The following SERINC5 variants were observed in gnomAD, a reference collection of about 807,000 sequenced individuals.
SERINC5 encodes chromosome 5 open reading frame 12.
A neutral mutation model predicts 63.1 loss-of-function variants in SERINC5; 41 were observed. That is an observed-to-expected ratio of 0.65 (90% confidence interval 0.51 to 0.84). SERINC5 has a LOEUF of 0.84. Among genes scored for constraint, SERINC5 ranks in the 40% least tolerant of loss-of-function variants. The pLI is 0.00. For synonymous variants in SERINC5, 222 were observed against 215.2 expected (o/e 1.03, Z -0.28); for missense variants, 523 against 573.0 (o/e 0.91, Z 0.89).
chr5:80,232,221 C>G (rs188011733), intron 1 of SERINC5, among the ~76,000 whole-genome samples: 6,248 of 143,510 alleles, frequency 0.044, 198 homozygotes, highest in Middle Eastern at 0.056. Context: ...TGGCTAACAC[C>G]GTAAAACCCT....
Position 80,255,981 on chromosome 5 carries a change from G to A in SERINC5, c.-59C>T. 1 of 1,455,622 alleles carries A rather than the reference G, an allele frequency of 6.9e-7. No homozygotes were observed. Among genetic ancestry groups the A allele is most frequent in the Non-Finnish European group, 9.0e-7 (1 of 1,109,688 alleles). The allele number at this position is 1,455,622 out of a possible 1,614,324, so 90.2% of individuals were successfully genotyped here. On this transcript the variant is annotated 5_prime_UTR_variant, in exon 1 of 12. Coordinates refer to ENST00000507668, the MANE Select transcript of SERINC5 (RefSeq NM_001174072.3). ...CTCCCCGCGCCGCACGGGCCCTCCT[G>A]GCTGCCTCGCGCCTCGAGCGCTGGG...
chr5:80,221,157 C>A (rs1326798874), intron 1 of SERINC5, among the ~76,000 whole-genome samples: 4 of 152,114 alleles, frequency 2.6e-5, no homozygotes, highest in Admixed American at 2.6e-4. Context: ...GCCTCCATCC[C>A]AGATCTGCTG....
At chr5:80,215,568 G>A (rs1485847965) in intron 1 of SERINC5, among the ~76,000 whole-genome samples, 1 of 152,162 alleles carries the variant, frequency 6.6e-6, no homozygotes, top group Non-Finnish European at 1.5e-5. Context: ...CTTTATCTGG[G>A]TTTCTTAAAT....
chr5:80,253,958 T>C (rs1312897547), intron 1 of SERINC5, among the ~76,000 whole-genome samples: 2 of 152,200 alleles, frequency 1.3e-5, no homozygotes, highest in African/African-American at 4.8e-5. Context: ...AGTTTTGCTC[T>C]TTTTGCTCAT....
chr5:80,139,036 C>T lies in SERINC5; in HGVS notation c.*4627G>A, dbSNP rs1745347189. The T allele has an allele frequency of 2.0e-6, 2 of 983,138 alleles. No individual in the cohort carries two copies. The highest frequency in any genetic ancestry group is 2.4e-6 in the Non-Finnish European group (2 of 828,028). The allele number at this position is 983,138 out of a possible 1,614,324, so 60.9% of individuals were successfully genotyped here. On this transcript the variant is annotated 3_prime_UTR_variant, in exon 12 of 12. Transcript: ENST00000507668. ...ATCCATGACTAAAGGGGGAAAATAA[C>T]TTTCAAAAGTTACCAAAATTCGAAT...
intron 8 of SERINC5, among the ~76,000 whole-genome samples, chr5:80,156,673 T>G (rs1746539162): frequency 6.6e-6 from 1 of 152,224 alleles, no homozygotes; most frequent in Non-Finnish European, 1.5e-5. Flanking sequence ...AGACAGATTT[T>G]TTTTTTAGTA....
intron 12 of SERINC5, among the ~76,000 whole-genome samples, chr5:80,111,998 G>A (rs1178955704): frequency 1.3e-5 from 2 of 152,184 alleles, no homozygotes; most frequent in African/African-American, 4.8e-5. Flanking sequence ...CCAGGGGCAC[G>A]ATGCACTGCG....
intron 9 of SERINC5, among the ~76,000 whole-genome samples, chr5:80,148,709 G>A (rs1444709145): frequency 6.6e-6 from 1 of 151,790 alleles, no homozygotes; most frequent in African/African-American, 2.4e-5. Context: ...GATTTCAGAA[G>A]GACTCTGGTA....
At chr5:80,193,237 A>G (rs967664800) in intron 2 of SERINC5, among the ~76,000 whole-genome samples, 1 of 152,168 alleles carries the variant, frequency 6.6e-6, no homozygotes, top group African/African-American at 2.4e-5. Context: ...GCCATTCACA[A>G]TATCTATGCA....
chr5:80,158,771 T>C, intron 8 of SERINC5, 65 bp downstream of exon 8: 1 of 1,527,092 alleles, frequency 6.5e-7, no homozygotes, highest in African/African-American at 1.4e-5. Flanking sequence ...CTGAAAGTTA[T>C]TTCAATTCTT....
Position 80,170,626 on chromosome 5 carries a change from G to A in SERINC5, c.552-1080C>T, listed in dbSNP as rs541477337. ...TTCTCCATTCTGACTATGAACCACC[G>A]TGGGTCAGTTTTTGGCAGGATGAAA... On this transcript the variant is annotated intron_variant, in intron 5 of 11. Coordinates refer to ENST00000507668, the MANE Select transcript of SERINC5 (RefSeq NM_001174072.3). 7.2e-5 allele frequency among the ~76,000 whole-genome samples: 11 copies of A among 152,224 alleles called. No individual in the cohort carries two copies. In the South Asian group the frequency reaches 1.0e-3, roughly 14 times the overall value.
intron 2 of SERINC5, among the ~76,000 whole-genome samples, chr5:80,180,758 G>A (rs1748367155): frequency 6.6e-6 from 1 of 152,122 alleles, no homozygotes; most frequent in Admixed American, 6.6e-5. Flanking sequence ...GGGAGTAAAG[G>A]AAGAGTTAAT....
intron 9 of SERINC5, among the ~76,000 whole-genome samples, chr5:80,147,524 C>T (rs1374813217): frequency 2.0e-5 from 3 of 152,110 alleles, no homozygotes; most frequent in African/African-American, 4.8e-5. Flanking sequence ...AGCAGAGCCT[C>T]GAGACAGGAG....
intron 11 of SERINC5, among the ~76,000 whole-genome samples, chr5:80,123,811 A>C (rs1744636855): frequency 6.6e-6 from 1 of 152,192 alleles, no homozygotes; most frequent in Non-Finnish European, 1.5e-5. Context: ...AAGTTATGGA[A>C]GGGGAAGGTA....
At chr5:80,227,728 G>A (rs944721073) in intron 1 of SERINC5, among the ~76,000 whole-genome samples, 3 of 152,072 alleles carry the variant, frequency 2.0e-5, no homozygotes, top group South Asian at 4.2e-4. Flanking sequence ...GAACACCTGC[G>A]GTCCCAGCTA....
chr5:80,156,513 T>G (rs1746526953), intron 8 of SERINC5, among the ~76,000 whole-genome samples: 2 of 152,232 alleles, frequency 1.3e-5, no homozygotes, highest in Non-Finnish European at 2.9e-5. Flanking sequence ...GAGTGTGCTC[T>G]TGCCTACAGA....
intron 2 of SERINC5, among the ~76,000 whole-genome samples, chr5:80,191,673 AAAAG>A (rs1749198100): frequency 4.7e-5 from 7 of 148,340 alleles, no homozygotes; most frequent in Admixed American, 4.7e-4. Flanking sequence ...TAAAAAAAAA[AAAAG>A]AAAGAAAAAA....
intron 1 of SERINC5, among the ~76,000 whole-genome samples, chr5:80,212,695 T>C (rs1056894506): frequency 2.0e-5 from 3 of 150,002 alleles, no homozygotes; most frequent in South Asian, 2.1e-4. Flanking sequence ...ACCCTCCCTC[T>C]TGGCACCACA....
At chr5:80,253,836 T>G (rs1752530644) in intron 1 of SERINC5, among the ~76,000 whole-genome samples, 1 of 152,218 alleles carries the variant, frequency 6.6e-6, no homozygotes, top group South Asian at 2.1e-4. Context: ...GTCTGACTTA[T>G]GACTATATAG....
Sources: gnomAD v4.1 joint callset for allele counts (sites outside exome capture counted in the v4.1 genomes callset) on GRCh38, gnomAD v4.1.1 for gene constraint, MANE v1.5 for transcripts, NCBI Gene and HGNC (gene_info 2026-07-23, HGNC 2026-07-21) for gene names.